The following FAM13C variants were observed in gnomAD, a reference collection of about 807,000 sequenced individuals.
FAM13C encodes family with sequence similarity 13 member C.
Under a neutral mutation model 73.2 loss-of-function variants are expected in FAM13C, and 37 were observed. The ratio of observed to expected loss-of-function variants is 0.51; its 90% CI spans 0.39 to 0.67. The LOEUF is 0.67. Among genes scored for constraint, FAM13C ranks in the 30% least tolerant of loss-of-function variants. The pLI is 0.00. For missense variants in FAM13C, 589 were observed against 715.6 expected (o/e 0.82, Z 2.02); for synonymous variants, 246 against 260.9 (o/e 0.94, Z 0.55).
At chr10:59,349,614 T>A (rs1298144599) in intron 3 of FAM13C, among the ~76,000 whole-genome samples, 1 of 140,844 alleles carries the variant, frequency 7.1e-6, no homozygotes, top group Non-Finnish European at 1.6e-5. Context: ...AAAAAAAAAA[T>A]TAGCAGGGCG....
At chr10:59,332,416 T>C (rs897767001) in intron 3 of FAM13C, among the ~76,000 whole-genome samples, 1 of 152,146 alleles carries the variant, frequency 6.6e-6, no homozygotes, top group African/African-American at 2.4e-5. Context: ...GAAAGGATAC[T>C]GCAGAGAAGA....
At chr10:59,354,312 A>G (rs1029354528) in intron 2 of FAM13C, among the ~76,000 whole-genome samples, 2 of 152,208 alleles carry the variant, frequency 1.3e-5, no homozygotes, top group Admixed American at 1.3e-4. Flanking sequence ...TGCATTACAC[A>G]AACGTAAAAC....
intron 3 of FAM13C, among the ~76,000 whole-genome samples, chr10:59,350,316 G>A (rs535264492): frequency 1.2e-3 from 179 of 152,304 alleles, no homozygotes; most frequent in African/African-American, 3.9e-3. Flanking sequence ...TATTACAAGT[G>A]ACAACTGTGT....
At position 59,283,450 on chromosome 10, in the gene FAM13C, G is replaced by T; in HGVS notation, c.508-3C>A. Reference sequence around the variant, plus strand: ...CCATGCACCTGAGCAGCTTCTTCCTGGTTTGTTAAAAATGCAGAGCACAGA... The same window carrying T: ...CCATGCACCTGAGCAGCTTCTTCCTTGTTTGTTAAAAATGCAGAGCACAGA... On this transcript the variant is annotated splice_polypyrimidine_tract_variant and splice_region_variant and intron_variant, in intron 5 of 13. Coordinates refer to ENST00000618804, the MANE Select transcript of FAM13C (RefSeq NM_198215.4). The T allele has an allele frequency of 6.2e-7, 1 of 1,614,138 alleles. No individual in the cohort carries two copies. Among genetic ancestry groups the T allele is most frequent in the Non-Finnish European group, 8.5e-7 (1 of 1,180,000 alleles).
chr10:59,270,369 T>C, intron 6 of FAM13C: 1 of 406,078 alleles, frequency 2.5e-6, no homozygotes, highest in Non-Finnish European at 4.4e-6. Flanking sequence ...AACCCCAAAC[T>C]ACAAAACAAT....
In FAM13C at chr10:59,324,073, A is replaced by G. The variant is rs769949524; in HGVS notation, c.358T>C (p.Cys120Arg). ...TEHVVSSQSE[C>R]QVRAGTPAHE... ...GCTGGTGTTCCTGCTCTCACCTGAC[A>G]CTCTGACTGGCTGGATACCACATGC... Residue 120 changes from cysteine to arginine, a missense_variant, in exon 4 of 14, where the codon TGT becomes CGT. Physicochemically the swap from Cys to Arg is radical, Grantham distance 180. Coordinates refer to ENST00000618804, the MANE Select transcript of FAM13C (RefSeq NM_198215.4). 2.5e-5 allele frequency: 41 copies of G among 1,613,742 alleles called. No homozygotes were observed. Among genetic ancestry groups the G allele is most frequent in the Non-Finnish European group, 3.5e-5 (41 of 1,179,904 alleles).
At chr10:59,284,993 C>T in intron 5 of FAM13C, among the ~76,000 whole-genome samples, 1 of 152,226 alleles carries the variant, frequency 6.6e-6, no homozygotes, top group East Asian at 1.9e-4. Flanking sequence ...GAGTCCCACA[C>T]ACACCACTTG....
intron 3 of FAM13C, among the ~76,000 whole-genome samples, chr10:59,324,664 A>T (rs1449555012): frequency 1.3e-5 from 2 of 152,162 alleles, no homozygotes; most frequent in African/African-American, 4.8e-5. Context: ...CTATAATAAA[A>T]GAAAAATTTA....
At chr10:59,278,435 T>C (rs1309591106) in intron 6 of FAM13C, among the ~76,000 whole-genome samples, 1 of 152,230 alleles carries the variant, frequency 6.6e-6, no homozygotes, top group African/African-American at 2.4e-5. Context: ...ATGTTGATGT[T>C]ATTCACTTAA....
intron 3 of FAM13C, among the ~76,000 whole-genome samples, chr10:59,349,894 G>A (rs1854806467): frequency 6.6e-6 from 1 of 152,062 alleles, no homozygotes; most frequent in African/African-American, 2.4e-5. Flanking sequence ...TCAACTATCT[G>A]TAATTCACAA....
intron 3 of FAM13C, among the ~76,000 whole-genome samples, chr10:59,340,282 C>T (rs1383837828): frequency 6.6e-6 from 1 of 152,102 alleles, no homozygotes; most frequent in Non-Finnish European, 1.5e-5. Context: ...AGAATATTAT[C>T]TCCATTGCCC....
intron 7 of FAM13C, 87 bp from the exon 8 acceptor site, chr10:59,268,778 A>T: frequency 2.0e-6 from 3 of 1,481,302 alleles, no homozygotes; most frequent in Non-Finnish European, 2.7e-6. Flanking sequence ...AAATTCCTGG[A>T]TTGTCAGAGA....
At chr10:59,267,023 A>G (rs536116846) in intron 8 of FAM13C, among the ~76,000 whole-genome samples, 1 of 152,334 alleles carries the variant, frequency 6.6e-6, no homozygotes, top group Admixed American at 6.5e-5. Context: ...CTAATACTCC[A>G]TTTTACACAT....
chr10:59,344,220 C>T (rs1187152686), intron 3 of FAM13C, among the ~76,000 whole-genome samples: 3 of 151,084 alleles, frequency 2.0e-5, no homozygotes, highest in Non-Finnish European at 2.9e-5. Flanking sequence ...CCTTGGCCTC[C>T]GAAAGTGCTG....
intron 3 of FAM13C, among the ~76,000 whole-genome samples, chr10:59,351,331 C>CAG: frequency 7.4e-6 from 1 of 134,310 alleles, no homozygotes; most frequent in East Asian, 2.2e-4. Flanking sequence ...GACCCTGTCT[C>CAG]AAAAAAAAAA....
At chr10:59,312,628 T>G (rs1293434558) in intron 4 of FAM13C, among the ~76,000 whole-genome samples, 1 of 152,186 alleles carries the variant, frequency 6.6e-6, no homozygotes, top group Non-Finnish European at 1.5e-5. Context: ...CCAGGCCCCA[T>G]GCAGCGTGTC....
intron 10 of FAM13C, among the ~76,000 whole-genome samples, chr10:59,257,164 T>C (rs972794016): frequency 2.6e-5 from 4 of 152,084 alleles, no homozygotes; most frequent in Non-Finnish European, 5.9e-5. Context: ...TAAGAGGAGG[T>C]TGAGCAAGAG....
At chr10:59,306,202 AG>A (rs1235961939) in intron 4 of FAM13C, among the ~76,000 whole-genome samples, 1 of 152,216 alleles carries the variant, frequency 6.6e-6, no homozygotes, top group Non-Finnish European at 1.5e-5. Context: ...CAAATAACCA[AG>A]TAGCAAACTT....
chr10:59,351,042 A>G (rs1457249992), intron 3 of FAM13C, among the ~76,000 whole-genome samples: 1 of 152,208 alleles, frequency 6.6e-6, no homozygotes, highest in Non-Finnish European at 1.5e-5. Context: ...AATCTTTTTT[A>G]AAAGCATCAG....
Sources: gnomAD v4.1 joint callset for allele counts (sites outside exome capture counted in the v4.1 genomes callset) on GRCh38, gnomAD v4.1.1 for gene constraint, MANE v1.5 for transcripts, NCBI Gene and HGNC (gene_info 2026-07-23, HGNC 2026-07-21) for gene names.